Variants in FMN1 observed in about 807,000 individuals in gnomAD.
FMN1 encodes formin-1.
FMN1 carries 110 observed loss-of-function variants against 132.4 expected under a neutral mutation model. The ratio of observed to expected loss-of-function variants is 0.83; its 90% confidence interval spans 0.71 to 0.97. The LOEUF (loss-of-function observed/expected upper bound fraction) is 0.97. Ranked by LOEUF, FMN1 falls within the 50% of genes least tolerant of loss-of-function variation. The pLI, the probability that FMN1 is intolerant of heterozygous loss-of-function variation, is 0.00. For synonymous variants in FMN1, 722 were observed against 651.7 expected (o/e 1.11, Z -1.64); for missense variants, 1,792 against 1,705.3 (o/e 1.05, Z -0.90).
At chr15:32,991,383 G>T (rs1335496885) in intron 7 of FMN1, among the ~76,000 whole-genome samples, 2 of 152,128 alleles carry the variant, frequency 1.3e-5, no homozygotes, top group Non-Finnish European at 2.9e-5. Flanking sequence ...TACATCTACT[G>T]CATATTGATT....
chr15:32,956,143 G>A (rs2061762613), intron 9 of FMN1, among the ~76,000 whole-genome samples: 1 of 152,124 alleles, frequency 6.6e-6, no homozygotes, highest in Admixed American at 6.5e-5. Flanking sequence ...TAGGATCCAT[G>A]CAACTTTTAT....
chr15:33,032,894 T>C, intron 6 of FMN1, among the ~76,000 whole-genome samples: 1 of 152,184 alleles, frequency 6.6e-6, no homozygotes, highest in Non-Finnish European at 1.5e-5. Context: ...ATGGGAATAA[T>C]GGTGATTCCT....
chr15:32,930,604 AT>A, intron 9 of FMN1, among the ~76,000 whole-genome samples: 1 of 152,034 alleles, frequency 6.6e-6, no homozygotes. Context: ...TGGTTTGCAA[AT>A]ATTTTTTCCC....
At chr15:32,903,578 C>T (rs2060347992) in intron 12 of FMN1, among the ~76,000 whole-genome samples, 1 of 152,158 alleles carries the variant, frequency 6.6e-6, no homozygotes, top group Non-Finnish European at 1.5e-5. Context: ...CCCAAGTTCC[C>T]AGAGCATGTA....
intron 6 of FMN1, among the ~76,000 whole-genome samples, chr15:33,010,378 T>C (rs2034648623): frequency 6.6e-6 from 1 of 152,114 alleles, no homozygotes; most frequent in Non-Finnish European, 1.5e-5. Context: ...TGATATTAGA[T>C]ATTATTCTCT....
At chr15:32,937,777 A>G (rs2061312892) in intron 9 of FMN1, among the ~76,000 whole-genome samples, 3 of 152,404 alleles carry the variant, frequency 2.0e-5, no homozygotes, top group Admixed American at 6.5e-5. Context: ...GGACAGTACC[A>G]AACAAACTAC....
intron 4 of FMN1, among the ~76,000 whole-genome samples, chr15:33,147,498 G>GT (rs1283806309): frequency 6.6e-6 from 1 of 152,204 alleles, no homozygotes; most frequent in African/African-American, 2.4e-5. Flanking sequence ...AAAGGCCACA[G>GT]ACTGCCACCC....
chr15:33,067,571 T>C lies in FMN1; in HGVS notation c.2044-2497A>G. 1.9e-6 allele frequency: 3 copies of C among 1,613,998 alleles called. No individual in the cohort carries two copies. In the South Asian group the frequency reaches 3.3e-5, roughly 18 times the overall value. On this transcript the variant is annotated intron_variant, in intron 5 of 20. Coordinates refer to ENST00000616417, the MANE Select transcript of FMN1 (RefSeq NM_001277313.2). ...CCCTGCTTCTTTTCTCTGACTTCCC[T>C]CTGATTCTGTCTCCACGCTTGCAAT... is the stretch of plus-strand genomic sequence containing the variant.
chr15:33,172,149 A>T (rs1332434983), intron 3 of FMN1, among the ~76,000 whole-genome samples: 4 of 151,916 alleles, frequency 2.6e-5, no homozygotes, highest in African/African-American at 9.7e-5. Flanking sequence ...CGGAGCTTGC[A>T]GTGAGCCGAG....
chr15:33,022,253 A>G (rs969565391), intron 6 of FMN1, among the ~76,000 whole-genome samples: 1 of 152,186 alleles, frequency 6.6e-6, no homozygotes, highest in South Asian at 2.1e-4. Context: ...GGATTTGCAA[A>G]TGCAGAATCC....
chr15:33,017,836 G>A (rs552237851), intron 6 of FMN1, among the ~76,000 whole-genome samples: 6 of 152,284 alleles, frequency 3.9e-5, no homozygotes, highest in African/African-American at 9.6e-5. Context: ...AGACTGAGGC[G>A]GACGGATTTC....
At chr15:32,799,681 G>A (rs2057413288) in intron 18 of FMN1, among the ~76,000 whole-genome samples, 1 of 152,164 alleles carries the variant, frequency 6.6e-6, no homozygotes, top group Non-Finnish European at 1.5e-5. Context: ...ATTTTCCAGA[G>A]TGGATTCCCA....
chr15:32,849,813 T>C (rs1175242439), intron 17 of FMN1, among the ~76,000 whole-genome samples: 1 of 152,092 alleles, frequency 6.6e-6, no homozygotes, highest in African/African-American at 2.4e-5. Flanking sequence ...CACACCACCA[T>C]GTCCGGCTAA....
At chr15:32,817,663 C>CTA (rs2058094953) in intron 17 of FMN1, among the ~76,000 whole-genome samples, 1 of 152,120 alleles carries the variant, frequency 6.6e-6, no homozygotes, top group Admixed American at 6.5e-5. Context: ...AGTAGATGAA[C>CTA]CATTAGCAGA....
At chr15:33,090,764 A>AT (rs1177619759) in intron 4 of FMN1, among the ~76,000 whole-genome samples, 3 of 152,166 alleles carry the variant, frequency 2.0e-5, no homozygotes, top group Non-Finnish European at 2.9e-5. Context: ...GAATGAACTA[A>AT]TGCCTAAAGG....
Position 33,064,346 on chromosome 15 carries a change from A to G in FMN1, c.2161+611T>C, listed in dbSNP as rs1218262229. 3 of 152,236 alleles carry G rather than the reference A, an allele frequency of 2.0e-5. No individual in the cohort carries two copies. In the East Asian group the frequency reaches 5.8e-4, roughly 29 times the overall value. 9.4% of individuals were successfully genotyped at this position (152,236 alleles called of 1,614,324 possible). A position where few individuals can be genotyped will look rare whatever the true frequency, so the allele number is the denominator to read the frequency against. Reference sequence around the variant, plus strand: ...CTCTAATGCTTTGGTGTCATTTTACAGTTCACGTGAAACTTCCACTTAAAT... The same window carrying G: ...CTCTAATGCTTTGGTGTCATTTTACGGTTCACGTGAAACTTCCACTTAAAT... On this transcript the variant is annotated intron_variant, in intron 6 of 20. Coordinates refer to ENST00000616417, the MANE Select transcript of FMN1 (RefSeq NM_001277313.2).
chr15:33,070,537 C>T (rs753062946), intron 5 of FMN1, among the ~76,000 whole-genome samples: 13 of 152,008 alleles, frequency 8.6e-5, no homozygotes, highest in Non-Finnish European at 1.9e-4. Flanking sequence ...TGCACCATGG[C>T]ATGGAGCAGA....
chr15:33,173,953 A>G (rs945311068), intron 3 of FMN1, among the ~76,000 whole-genome samples: 1 of 150,816 alleles, frequency 6.6e-6, no homozygotes, highest in Admixed American at 6.6e-5. Flanking sequence ...AAAGAAAGAA[A>G]GAAAGAAACT....
intron 5 of FMN1, among the ~76,000 whole-genome samples, chr15:33,070,367 G>A (rs2037949181): frequency 6.8e-6 from 1 of 147,546 alleles, no homozygotes; most frequent in East Asian, 2.0e-4. Context: ...GGGGCAGTGG[G>A]AGAGGGCACG....
Sources: gnomAD v4.1 joint callset for allele counts (sites outside exome capture counted in the v4.1 genomes callset) on GRCh38, gnomAD v4.1.1 for gene constraint, MANE v1.5 for transcripts, NCBI Gene and HGNC (gene_info 2026-07-23, HGNC 2026-07-21) for gene names.